The following ADARB2 variants were observed in gnomAD, a reference collection of about 807,000 sequenced individuals.
The protein encoded by ADARB2 is adenosine deaminase RNA specific B2 (inactive).
In ADARB2, 25 loss-of-function variants were observed where a neutral mutation model predicts 62.2. The ratio of observed to expected loss-of-function variants is 0.40; its 90% CI spans 0.29 to 0.56. ADARB2 has a LOEUF of 0.56. ADARB2 is among the 20% of genes least tolerant of loss of function. ADARB2 has a pLI of 0.43. For missense variants in ADARB2, 1,071 were observed against 1,077.4 expected (o/e 0.99, Z 0.08); for synonymous variants, 572 against 500.8 (o/e 1.14, Z -1.90).
Position 1,426,731 on chromosome 10 carries a change from G to A in ADARB2, c.101-47571C>T, listed in dbSNP as rs1158320724. ...AGAGAGCCCAGGGGCTGGCCCAGGA[G>A]AGGCGGCAAGGCTGTGTGCAGACAC... On this transcript the variant is annotated intron_variant, in intron 1 of 9. Coordinates refer to ENST00000381312, the MANE Select transcript of ADARB2 (RefSeq NM_018702.4). The surrounding 1 kb of genome is among the most constrained non-coding windows in gnomAD (Gnocchi z 4.1). 6.6e-6 allele frequency among the ~76,000 whole-genome samples: 1 copy of A among 152,224 alleles called. No individual in the cohort carries two copies. The highest frequency in any genetic ancestry group is 6.5e-5 in the Admixed American group (1 of 15,292).
intron 1 of ADARB2, among the ~76,000 whole-genome samples, chr10:1,517,551 C>G (rs1364328648): frequency 6.6e-6 from 1 of 152,134 alleles, no homozygotes; most frequent in Non-Finnish European, 1.5e-5. Flanking sequence ...TTTAAATTTC[C>G]TCTTTCCTTT....
intron 1 of ADARB2, chr10:1,675,902 G>GGGCT: frequency 1.3e-6 from 1 of 785,646 alleles, no homozygotes; most frequent in Non-Finnish European, 1.5e-6. Context: ...TCAGAGGAAG[G>GGGCT]GGCTGCAGAG....
chr10:1,684,343 T>C (rs1411527510), intron 1 of ADARB2, among the ~76,000 whole-genome samples: 1 of 152,254 alleles, frequency 6.6e-6, no homozygotes, highest in Non-Finnish European at 1.5e-5. Flanking sequence ...CACTTTTTTT[T>C]CAGAACTCAG....
chr10:1,409,398 C>T (rs1012886542), intron 1 of ADARB2, among the ~76,000 whole-genome samples: 9 of 152,232 alleles, frequency 5.9e-5, no homozygotes, highest in East Asian at 1.9e-4. Context: ...CTGCGTGGGG[C>T]GTGTGGCTTG....
chr10:1,510,166 T>TTCTTTCTC, intron 1 of ADARB2, among the ~76,000 whole-genome samples: 1 of 127,594 alleles, frequency 7.8e-6, no homozygotes, highest in Non-Finnish European at 1.7e-5. Context: ...CTTTCTTTCT[T>TTCTTTCTC]TCTTTTTCTT....
intron 1 of ADARB2, among the ~76,000 whole-genome samples, chr10:1,443,448 C>T (rs1830927034): frequency 6.6e-6 from 1 of 152,056 alleles, no homozygotes; most frequent in African/African-American, 2.4e-5. Flanking sequence ...GTCTGCCATT[C>T]CTAACAACTT....
intron 1 of ADARB2, among the ~76,000 whole-genome samples, chr10:1,537,687 T>C (rs940223127): frequency 3.3e-5 from 5 of 152,098 alleles, no homozygotes; most frequent in Non-Finnish European, 5.9e-5. Context: ...CTGGAAACCA[T>C]CATCCTCAGC....
chr10:1,662,876 C>A (rs1834267641), intron 1 of ADARB2, among the ~76,000 whole-genome samples: 1 of 152,248 alleles, frequency 6.6e-6, no homozygotes. Flanking sequence ...GCGGCCACCT[C>A]TGCTCTGGTT....
chr10:1,715,393 G>A (rs374302698), intron 1 of ADARB2, among the ~76,000 whole-genome samples: 37 of 152,240 alleles, frequency 2.4e-4, no homozygotes, highest in South Asian at 1.9e-3. Context: ...AAGTCACTAA[G>A]TGTGTTTTTA....
intron 1 of ADARB2, among the ~76,000 whole-genome samples, chr10:1,564,849 T>G (rs1322395149): frequency 6.6e-6 from 1 of 151,980 alleles, no homozygotes; most frequent in African/African-American, 2.4e-5. Context: ...AGCAATGCCT[T>G]TTGCCTTAAC....
intron 1 of ADARB2, among the ~76,000 whole-genome samples, chr10:1,452,942 T>A (rs1831056845): frequency 6.6e-6 from 1 of 152,158 alleles, no homozygotes; most frequent in Non-Finnish European, 1.5e-5. Flanking sequence ...TCACAATGCA[T>A]CCTGGTGGGC....
chr10:1,402,310 A>G (rs1017543047), intron 1 of ADARB2, among the ~76,000 whole-genome samples: 2 of 152,046 alleles, frequency 1.3e-5, no homozygotes, highest in African/African-American at 4.8e-5. Context: ...TCTACTTCTG[A>G]GCGATTTGCT....
chr10:1,561,482 T>C (rs530627417), intron 1 of ADARB2, among the ~76,000 whole-genome samples: 4 of 152,346 alleles, frequency 2.6e-5, no homozygotes, highest in Admixed American at 6.5e-5. Flanking sequence ...TTTCAAGCAC[T>C]GAAGATTTAA....
Position 1,676,127 on chromosome 10 carries a change from T to G in ADARB2, c.100+60924A>C. 3 of 919,480 alleles carry G rather than the reference T, an allele frequency of 3.3e-6. No homozygotes were observed. In the South Asian group the frequency reaches 1.5e-4, roughly 46 times the overall value. The allele number at this position is 919,480 out of a possible 1,614,324, so 57.0% of individuals were successfully genotyped here. ...AGGCATATTAGGACAAAATTGCCAT[T>G]TTGGGTCTTGGCAAATGTGCAATAT... On this transcript the variant is annotated intron_variant, in intron 1 of 9. Coordinates refer to ENST00000381312, the MANE Select transcript of ADARB2 (RefSeq NM_018702.4).
chr10:1,389,517 C>G (rs935740629), intron 1 of ADARB2, among the ~76,000 whole-genome samples: 1 of 152,084 alleles, frequency 6.6e-6, no homozygotes, highest in Admixed American at 6.6e-5. Flanking sequence ...CAAAGACATA[C>G]AAATAGCCAA....
chr10:1,245,767 T>C (rs1830980736), intron 4 of ADARB2, among the ~76,000 whole-genome samples: 2 of 152,192 alleles, frequency 1.3e-5, no homozygotes, highest in African/African-American at 4.8e-5. Flanking sequence ...TTCCAAGTCT[T>C]TGCTATCATG....
intron 4 of ADARB2, among the ~76,000 whole-genome samples, chr10:1,253,103 A>G (rs1831050410): frequency 6.6e-6 from 1 of 152,232 alleles, no homozygotes; most frequent in Non-Finnish European, 1.5e-5. Context: ...GTGTTCAGTT[A>G]TCTTGTTTGG....
At chr10:1,633,148 A>G (rs1396878374) in intron 1 of ADARB2, among the ~76,000 whole-genome samples, 1 of 152,002 alleles carries the variant, frequency 6.6e-6, no homozygotes, top group Non-Finnish European at 1.5e-5. Flanking sequence ...CTAGGGCTAC[A>G]CTGTTGGCTC....
chr10:1,349,051 C>G (rs1389325540), intron 3 of ADARB2, among the ~76,000 whole-genome samples: 1 of 152,168 alleles, frequency 6.6e-6, no homozygotes. Flanking sequence ...GCCATCATAT[C>G]CCCTGTGACC....
Sources: gnomAD v4.1 joint callset for allele counts (sites outside exome capture counted in the v4.1 genomes callset) on GRCh38, gnomAD v4.1.1 for gene constraint, Gnocchi (gnomAD v3.1) non-coding constraint, MANE v1.5 for transcripts, NCBI Gene and HGNC (gene_info 2026-07-23, HGNC 2026-07-21) for gene names.